Variants in TEX11 observed in about 807,000 individuals in gnomAD.
TEX11 encodes the protein testis expressed 11.
TEX11 carries 7 observed loss-of-function variants against 84.4 expected under a neutral mutation model. That is an observed-to-expected ratio of 0.08 (90% CI 0.05 to 0.16). The LOEUF (loss-of-function observed/expected upper bound fraction) is 0.16, where lower values mean the gene tolerates loss of function less well. Ranked by LOEUF, TEX11 falls within the 10% of genes least tolerant of loss-of-function variation. TEX11 has a pLI of 1.00. For synonymous variants in TEX11, 264 were observed against 222.8 expected (o/e 1.18, Z -1.64); for missense variants, 551 against 660.5 (o/e 0.83, Z 1.82).
chrX:70,583,831 T>A (rs867629004), intron 25 of TEX11, among the ~76,000 whole-genome samples: 1 of 111,697 alleles, frequency 9.0e-6, no homozygotes, highest in Non-Finnish European at 1.9e-5. Context: ...GTGTGAAGAT[T>A]TCTCAAAGAA....
chrX:70,781,889 C>T (rs970999870), intron 9 of TEX11, among the ~76,000 whole-genome samples: 2 of 111,831 alleles, frequency 1.8e-5, no homozygotes, highest in Admixed American at 9.5e-5. Flanking sequence ...CTGGATAACA[C>T]TCTTCAGGAT....
At chrX:70,584,107 G>A (rs922020293) in intron 25 of TEX11, among the ~76,000 whole-genome samples, 2 of 105,768 alleles carry the variant, frequency 1.9e-5, no homozygotes, top group South Asian at 4.4e-4. Flanking sequence ...GTGAAACCCC[G>A]TCTCTACTAA....
chrX:70,522,270 AAG>A, the TEX11 span, among the ~76,000 whole-genome samples: 67 of 111,891 alleles, frequency 6.0e-4, no homozygotes, highest in African/African-American at 2.0e-3. Flanking sequence ...GGAGAAAGGG[AAG>A]AGAGAGAGTG....
At chrX:70,868,896 G>A (rs2091613410) in intron 4 of TEX11, among the ~76,000 whole-genome samples, 1 of 108,907 alleles carries the variant, frequency 9.2e-6, no homozygotes, top group Non-Finnish European at 1.9e-5. Context: ...GCAAAGGGAG[G>A]GAGAGCATTA....
At chrX:70,715,319 C>T (rs925662806) in intron 13 of TEX11, among the ~76,000 whole-genome samples, 8 of 111,249 alleles carry the variant, frequency 7.2e-5, no homozygotes, top group African/African-American at 2.3e-4. Flanking sequence ...CTCTGTATTT[C>T]CTGAATCTGA....
intron 25 of TEX11, among the ~76,000 whole-genome samples, chrX:70,566,119 C>T (rs1335741818): frequency 2.8e-5 from 3 of 107,426 alleles, no homozygotes; most frequent in East Asian, 5.8e-4. Context: ...AGGTCCTTCA[C>T]ATCCCTTGTA....
intron 9 of TEX11, among the ~76,000 whole-genome samples, chrX:70,785,132 T>C (rs2091069590): frequency 9.0e-6 from 1 of 111,647 alleles, no homozygotes; most frequent in African/African-American, 3.3e-5. Context: ...AGCAGATATA[T>C]AGACCAATGG....
chrX:70,761,046 G>A (rs1203978703), intron 9 of TEX11, among the ~76,000 whole-genome samples: 5 of 111,816 alleles, frequency 4.5e-5, no homozygotes, highest in Non-Finnish European at 9.4e-5. Context: ...AATGCAAATC[G>A]AAACCACAAT....
At chrX:70,659,260 A>ATTC (rs1467326854) in intron 16 of TEX11, among the ~76,000 whole-genome samples, 1 of 112,390 alleles carries the variant, frequency 8.9e-6, no homozygotes, top group Non-Finnish European at 1.9e-5. Flanking sequence ...GACACTAAGA[A>ATTC]AAAGACAACC....
chrX:70,668,319 G>A (rs2089994014), intron 16 of TEX11, among the ~76,000 whole-genome samples: 2 of 112,383 alleles, frequency 1.8e-5, no homozygotes, highest in Admixed American at 9.4e-5. Context: ...CTCAAAGGAA[G>A]GAGTGAAGAA....
intron 4 of TEX11, among the ~76,000 whole-genome samples, chrX:70,867,403 G>T (rs1269766955): frequency 9.0e-6 from 1 of 111,641 alleles, no homozygotes; most frequent in Non-Finnish European, 1.9e-5. Context: ...AAAATTCCAT[G>T]CTCATGGATA....
At chrX:70,519,821 C>T in the TEX11 span, among the ~76,000 whole-genome samples, 1 of 111,669 alleles carries the variant, frequency 9.0e-6, no homozygotes, top group African/African-American at 3.3e-5. Context: ...TTTCTTTTTA[C>T]TCTTTTTTCT....
intron 2 of TEX11, among the ~76,000 whole-genome samples, chrX:70,904,279 A>T (rs1039735224): frequency 9.0e-6 from 1 of 111,537 alleles, no homozygotes; most frequent in Non-Finnish European, 1.9e-5. Flanking sequence ...TGTGTGCATA[A>T]GAGAAAACTC....
rs750813136 is a variant in TEX11 at position 70,605,405 on chromosome X, T to A, written c.2063A>T (p.Glu688Val). Residue 688 changes from glutamate to valine, a missense_variant, in exon 24 of 30, where the codon GAA (glutamate) becomes GTA (valine). Transcript: ENST00000374333. Reference sequence around the variant, plus strand: ...TCTTTGAAGGTTGCACATTACCTGTTCAAAAGCTGTTGAAGCTTTTCTCCC... The same window carrying A: ...TCTTTGAAGGTTGCACATTACCTGTACAAAAGCTGTTGAAGCTTTTCTCCC... Reference protein sequence around the residue: ...EQGRKASTAFEQTMFLSRALE... With the variant: ...EQGRKASTAFVQTMFLSRALE... 1 of 1,185,105 alleles carries A rather than the reference T, an allele frequency of 8.4e-7. No individual in the cohort carries two copies. The highest frequency in any genetic ancestry group is 1.8e-5 in the African/African-American group (1 of 56,809).
chrX:70,639,181 C>A (rs1050858575), intron 17 of TEX11, among the ~76,000 whole-genome samples: 5 of 111,796 alleles, frequency 4.5e-5, no homozygotes, highest in South Asian at 3.8e-4. Context: ...AAAATCGGGT[C>A]ACTCCCACCT....
rs747689048 is a variant in TEX11, at chrX:70,818,943, A to G, written c.607-12153T>C. ...AATAACAAATAAAGAGATTGAATCA[A>G]TAATTTTAAAATGCCCCAGAAAAAA... On this transcript the variant is annotated intron_variant, in intron 8 of 29. Coordinates refer to ENST00000374333, the MANE Select transcript of TEX11 (RefSeq NM_031276.3). 3.6e-5 allele frequency among the ~76,000 whole-genome samples: 4 copies of G among 111,992 alleles called. No individual in the cohort carries two copies. In the East Asian group the frequency reaches 1.1e-3, roughly 31 times the overall value.
intron 13 of TEX11, among the ~76,000 whole-genome samples, chrX:70,722,383 C>T (rs973278265): frequency 4.5e-5 from 5 of 111,882 alleles, no homozygotes; most frequent in African/African-American, 6.5e-5. Context: ...GTGATCCTCC[C>T]GCCTCAGCCT....
intron 11 of TEX11, among the ~76,000 whole-genome samples, chrX:70,732,433 G>C (rs2090660648): frequency 8.9e-6 from 1 of 111,808 alleles, no homozygotes; most frequent in Non-Finnish European, 1.9e-5. Flanking sequence ...TCCTTAAGCT[G>C]ATAAGCAACT....
intron 9 of TEX11, among the ~76,000 whole-genome samples, chrX:70,768,784 CA>C (rs1306899248): frequency 9.0e-6 from 1 of 111,366 alleles, no homozygotes; most frequent in Non-Finnish European, 1.9e-5. Flanking sequence ...ACAATCCACC[CA>C]ATAATAGCAG....
Sources: gnomAD v4.1 joint callset for allele counts (sites outside exome capture counted in the v4.1 genomes callset) on GRCh38, gnomAD v4.1.1 for gene constraint, MANE v1.5 for transcripts, NCBI Gene and HGNC (gene_info 2026-07-23, HGNC 2026-07-21) for gene names.